Variants in DST observed in about 807,000 individuals in gnomAD.
DST encodes the protein bullous pemphigoid antigen.
In DST, 253 loss-of-function variants were observed where a neutral mutation model predicts 875.2. That is an observed-to-expected ratio of 0.29 (90% CI 0.26 to 0.32). The LOEUF (loss-of-function observed/expected upper bound fraction) is 0.32. Among genes scored for constraint, DST ranks in the 10% least tolerant of loss-of-function variants. The pLI is 1.00. For missense variants in DST, 8,287 were observed against 9,111.6 expected (o/e 0.91, Z 3.68); for synonymous variants, 3,124 against 3,197.1 (o/e 0.98, Z 0.77).
rs1563135291 is a variant in DST, at chr6:56,606,196, C to A, written c.8432G>T (p.Gly2811Val). The change falls in exon 40 of 104, where the codon GGC (glycine) becomes GTC (valine). Residue 2811 changes from glycine to valine, a missense_variant. Coordinates refer to ENST00000680361, the MANE Select transcript of DST (RefSeq NM_001374736.1). ...SNDQDDDDDD[G>V]IDEEGGGIRD... ...TATACCTCCTCCTTCTTCATCAATG[C>A]CATCATCATCATCGTCATCCTGATC... 6.3e-7 allele frequency: 1 copy of A among 1,581,682 alleles called. No homozygotes were observed.
At chr6:56,460,030 G>A (rs1170257652) in intron 103 of DST, 101 bp downstream of exon 103, 2 of 1,397,534 alleles carry the variant, frequency 1.4e-6, no homozygotes, top group African/African-American at 1.4e-5. Flanking sequence ...CTACCTCAGG[G>A]TCAATTTGTA....
At chr6:56,908,079 G>A (rs948546771) in intron 2 of DST, among the ~76,000 whole-genome samples, 1 of 146,410 alleles carries the variant, frequency 6.8e-6, no homozygotes, top group African/African-American at 2.6e-5. Flanking sequence ...AACAAAAAAA[G>A]AAAATACATA....
intron 4 of DST, among the ~76,000 whole-genome samples, chr6:56,837,075 C>A (rs1449955117): frequency 2.0e-5 from 3 of 152,034 alleles, no homozygotes; most frequent in Non-Finnish European, 2.9e-5. Flanking sequence ...AACAAACAGA[C>A]TGATAAGGTA....
intron 5 of DST, among the ~76,000 whole-genome samples, chr6:56,726,582 G>A (rs2099459646): frequency 6.6e-6 from 1 of 152,232 alleles, no homozygotes. Context: ...TCAGAAGAAT[G>A]AATCCTAACT....
In DST at chr6:56,534,479, A is replaced by G. The variant is rs147207754; in HGVS notation, c.16941+643T>C. On this transcript the variant is annotated intron_variant, in intron 63 of 103. Coordinates refer to ENST00000680361, the MANE Select transcript of DST (RefSeq NM_001374736.1). ...CCCTCTGAAGACACTATTTTCCCAAATTGGCCCCACTTTAGTAGTGTCAAA... is the reference window on the plus strand; with the variant it reads ...CCCTCTGAAGACACTATTTTCCCAAGTTGGCCCCACTTTAGTAGTGTCAAA... 3.1e-3 allele frequency among the ~76,000 whole-genome samples: 479 copies of G among 152,276 alleles called. 3 individuals are homozygous for G. Among genetic ancestry groups the G allele is most frequent in the African/African-American group, 0.011 (464 of 41,546 alleles).
chr6:56,514,606 C>CACACACACACACACACACAA, intron 72 of DST, among the ~76,000 whole-genome samples: 1 of 146,750 alleles, frequency 6.8e-6, no homozygotes, highest in African/African-American at 2.5e-5. Context: ...CACACACACA[C>CACACACACACACACACACAA]ACACACCCCC....
intron 4 of DST, among the ~76,000 whole-genome samples, chr6:56,835,603 CTACA>C (rs1301533660): frequency 1.3e-5 from 2 of 152,178 alleles, no homozygotes; most frequent in Admixed American, 1.3e-4. Flanking sequence ...CATTGACTAC[CTACA>C]TAATCTCTAC....
chr6:56,610,415 AAAT>A lies in DST; in HGVS notation c.5283+9_5283+11del. ...TCTTGAAACAGCCTCATGTTTAAAT[AAAT>A]AATATTACCTTCTCCTCTACCTTTA... On this transcript the variant is annotated intron_variant, in intron 39 of 103. Transcript: ENST00000680361. 2.6e-6 allele frequency: 4 copies of A among 1,530,856 alleles called. No homozygotes were observed. Among genetic ancestry groups the A allele is most frequent in the Non-Finnish European group, 2.6e-6 (3 of 1,139,556 alleles). 94.8% of individuals were successfully genotyped at this position (1,530,856 alleles called of 1,614,324 possible). A position where few individuals can be genotyped will look rare whatever the true frequency, so the allele number is the denominator to read the frequency against.
chr6:56,529,450 G>C lies in DST; in HGVS notation c.17593C>G (p.Arg5865Gly). 1 of 1,465,116 alleles carries C rather than the reference G, an allele frequency of 6.8e-7. No individual in the cohort carries two copies. Among genetic ancestry groups the C allele is most frequent in the Non-Finnish European group, 9.0e-7 (1 of 1,107,146 alleles). The allele number at this position is 1,465,116 out of a possible 1,614,324, so 90.8% of individuals were successfully genotyped here. The change falls in exon 66 of 104, where the codon CGG becomes GGG. Residue 5865 changes from arginine (R) to glycine (G), a missense_variant and splice_region_variant. This residue lies in a region of DST where 777 missense variants were observed against 764.8 expected (regional missense o/e 1.02). Coordinates refer to ENST00000680361, the MANE Select transcript of DST (RefSeq NM_001374736.1). ...TAAAATAAAATAAATCAAAATACCC[G>C]AAGTTCAGACTGCTGCTTCCATAGC... ...EGLWKQQSEL[R>G]VLQEDILLRK...
chr6:56,696,880 C>G (rs1006126665), intron 9 of DST, among the ~76,000 whole-genome samples: 12 of 152,120 alleles, frequency 7.9e-5, no homozygotes, highest in Non-Finnish European at 1.8e-4. Context: ...AGGCCTTCTC[C>G]AAATTTTTAT....
At chr6:56,570,407 G>C (rs1256536142) in intron 53 of DST, among the ~76,000 whole-genome samples, 53 of 152,168 alleles carry the variant, frequency 3.5e-4, no homozygotes, top group Non-Finnish European at 4.4e-5. Context: ...CCATCTGGGG[G>C]TGATGGGAGA....
chr6:56,557,464 T>G lies in DST; in HGVS notation c.14495A>C (p.Glu4832Ala). The G allele has an allele frequency of 1.2e-6, 2 of 1,613,696 alleles. No individual in the cohort carries two copies. ...CTGGGTTAGATTATTGGAGGATTCTTCCAGTTTTTGTTGTCTATCAATTGT... is the reference window on the plus strand; with the variant it reads ...CTGGGTTAGATTATTGGAGGATTCTGCCAGTTTTTGTTGTCTATCAATTGT... ...QLTIDRQQKL[E>A]ESSNNLTQFQ... Residue 4832 changes from glutamate (E) to alanine (A), a missense_variant, in exon 59 of 104, where the codon GAA (glutamate) becomes GCA (alanine). Glu to Ala is a moderately radical substitution (Grantham distance 107). Transcript: ENST00000680361.
intron 5 of DST, among the ~76,000 whole-genome samples, chr6:56,713,132 G>T (rs1415344848): frequency 6.6e-6 from 1 of 152,164 alleles, no homozygotes; most frequent in Non-Finnish European, 1.5e-5. Flanking sequence ...TGATAAGATG[G>T]AATAACATGT....
At chr6:56,557,070 ATAAT>A (rs2097434269) in intron 59 of DST, among the ~76,000 whole-genome samples, 1 of 152,078 alleles carries the variant, frequency 6.6e-6, no homozygotes, top group Non-Finnish European at 1.5e-5. Context: ...TATGACTGAA[ATAAT>A]CAGGAGACTT....
At chr6:56,909,990 G>T (rs17685143) in intron 2 of DST, among the ~76,000 whole-genome samples, 20,705 of 152,182 alleles carry the variant, frequency 0.14, 1,825 homozygotes, top group Middle Eastern at 0.24. Context: ...AGAAGATACC[G>T]TTCTGTTTTC....
chr6:56,795,959 A>T (rs761386558), intron 4 of DST, among the ~76,000 whole-genome samples: 12 of 152,188 alleles, frequency 7.9e-5, no homozygotes, highest in Admixed American at 2.0e-4. Context: ...ACTACTAGAG[A>T]AGACAGTTTG....
chr6:56,804,008 C>A (rs2099750333), intron 4 of DST, among the ~76,000 whole-genome samples: 1 of 152,164 alleles, frequency 6.6e-6, no homozygotes, highest in South Asian at 2.1e-4. Flanking sequence ...AAACATATGA[C>A]CAAATTCAGT....
At chr6:56,613,572 G>C (rs969983981) in intron 37 of DST, among the ~76,000 whole-genome samples, 22 of 151,902 alleles carry the variant, frequency 1.4e-4, no homozygotes, top group African/African-American at 5.3e-4. Context: ...CAGGAGGGCA[G>C]TGTAGGAAAG....
intron 4 of DST, among the ~76,000 whole-genome samples, chr6:56,825,401 C>G (rs2099779144): frequency 6.7e-6 from 1 of 149,100 alleles, no homozygotes; most frequent in Admixed American, 6.8e-5. Flanking sequence ...AACCAGAGAC[C>G]TTTGTTCACT....
Sources: allele counts gnomAD v4.1 joint callset (sites outside exome capture counted in the v4.1 genomes callset), GRCh38; gene constraint gnomAD v4.1.1; regional missense constraint gnomAD v4.1.1; transcripts MANE v1.5; gene names NCBI Gene and HGNC (gene_info 2026-07-23, HGNC 2026-07-21).